The following MEF2C variants were observed in gnomAD, a reference collection of about 807,000 sequenced individuals.
MEF2C encodes myocyte-specific enhancer factor 2C.
Under a neutral mutation model 50.5 loss-of-function variants are expected in MEF2C, and 6 were observed. The ratio of observed to expected loss-of-function variants is 0.12; its 90% CI spans 0.07 to 0.23. MEF2C has a LOEUF of 0.23. MEF2C is among the 10% of genes least tolerant of loss of function. The pLI is 1.00. For missense variants in MEF2C, 276 were observed against 605.0 expected (o/e 0.46, Z 5.70); for synonymous variants, 183 against 228.0 (o/e 0.80, Z 1.78).
intron 1 of MEF2C, among the ~76,000 whole-genome samples, chr5:88,896,077 T>C (rs570029275): frequency 3.3e-4 from 50 of 152,276 alleles, no homozygotes; most frequent in African/African-American, 1.2e-3. Context: ...GATCTAAGCC[T>C]TGGATGCAAG....
chr5:88,842,513 C>T (rs1480123019), intron 1 of MEF2C, among the ~76,000 whole-genome samples: 1 of 149,760 alleles, frequency 6.7e-6, no homozygotes, highest in African/African-American at 2.5e-5. Context: ...GGATTAGAAA[C>T]AGTGCCATTA....
upstream of MEF2C, among the ~76,000 whole-genome samples, chr5:88,886,665 TTTTA>T: frequency 6.6e-6 from 1 of 152,322 alleles, no homozygotes; most frequent in Middle Eastern, 3.4e-3. Flanking sequence ...CTGTACCAGC[TTTTA>T]TTTTTTTCTA....
chr5:88,880,009 G>C (rs566195824), intron 1 of MEF2C, among the ~76,000 whole-genome samples: 5 of 150,614 alleles, frequency 3.3e-5, no homozygotes, highest in African/African-American at 1.2e-4. Flanking sequence ...AAAGGTGACA[G>C]ATCTCGGTGA....
chr5:88,832,176 T>C (rs1202247796), intron 1 of MEF2C, among the ~76,000 whole-genome samples: 3 of 152,096 alleles, frequency 2.0e-5, no homozygotes, highest in African/African-American at 7.2e-5. Context: ...CGAAAAAGAA[T>C]CTTTACATTT....
At chr5:88,896,200 A>G (rs1582040554) in intron 1 of MEF2C, among the ~76,000 whole-genome samples, 2 of 152,186 alleles carry the variant, frequency 1.3e-5, no homozygotes, top group Admixed American at 6.5e-5. Flanking sequence ...GAAAATTTAT[A>G]TACTTAAAAA....
intron 1 of MEF2C, among the ~76,000 whole-genome samples, chr5:88,834,695 A>C (rs913482040): frequency 1.3e-5 from 2 of 152,258 alleles, no homozygotes; most frequent in Non-Finnish European, 2.9e-5. Flanking sequence ...GAAAGCCCTA[A>C]TCCACAATGG....
At chr5:88,801,122 T>C (rs1475106122) in intron 3 of MEF2C, among the ~76,000 whole-genome samples, 1 of 152,192 alleles carries the variant, frequency 6.6e-6, no homozygotes, top group Non-Finnish European at 1.5e-5. Flanking sequence ...TGTATTTCTG[T>C]GTAAAGGCTG....
intron 4 of MEF2C, among the ~76,000 whole-genome samples, chr5:88,753,489 T>C (rs1047245596): frequency 2.0e-5 from 3 of 152,186 alleles, no homozygotes; most frequent in Admixed American, 6.5e-5. Context: ...TCTGCCTATC[T>C]GGTTCAAGTG....
Position 88,761,279 on chromosome 5 carries a change from G to A in MEF2C, c.308C>T (p.Ala103Val), listed in dbSNP as rs755436703. ...LNGCDSPDPD[A>V]DDSVGHSPES... ...AGGGCTGTGACCTACGGAATCGTCC[G>A]CATCGGGGTCTGGGCTGTCACAGCC... Residue 103 changes from alanine to valine, a missense_variant, in exon 4 of 11, where the codon GCG (alanine) becomes GTG (valine). Around this residue, in one of 2 missense-constraint regions of MEF2C, gnomAD observed 20 missense variants for 136.9 expected, o/e 0.15. Transcript: ENST00000504921. The A allele has an allele frequency of 2.2e-5, 36 of 1,613,850 alleles. No individual in the cohort carries two copies. In the East Asian group the frequency reaches 5.8e-4, roughly 26 times the overall value.
At chr5:88,882,539 A>C (rs1833242077) in intron 1 of MEF2C, among the ~76,000 whole-genome samples, 1 of 152,200 alleles carries the variant, frequency 6.6e-6, no homozygotes, top group South Asian at 2.1e-4. Context: ...GGGGGGACTC[A>C]TGGGAGCATC....
At chr5:88,886,536 A>G (rs578063160), upstream of MEF2C, among the ~76,000 whole-genome samples, 35 of 152,308 alleles carry the variant, frequency 2.3e-4, no homozygotes, top group African/African-American at 7.9e-4. Context: ...TTCCAGTTCT[A>G]TCATTGGAAA....
intron 6 of MEF2C, chr5:88,732,556 G>A (rs1561703680): frequency 6.6e-6 from 1 of 152,276 alleles, no homozygotes; most frequent in Non-Finnish European, 1.5e-5. Context: ...GAAATGAAGT[G>A]ATGATGCCTC....
At position 88,750,207 on chromosome 5, in the gene MEF2C, A is replaced by ATT. The variant is rs747771242; in HGVS notation, c.590-1092_590-1091dup. ...TTATATATATACATATATATACACGATTTTTTTTTTTTTTTGAGACAGAGC... is the reference window on the plus strand; with the variant it reads ...TTATATATATACATATATATACACGATTTTTTTTTTTTTTTTTGAGACAGAGC... On this transcript the variant is annotated intron_variant, in intron 5 of 10. Transcript: ENST00000504921. The ATT allele has an allele frequency of 5.0e-3, 1,901 of 383,210 alleles. 1 individual carries two copies. The highest frequency in any genetic ancestry group is 5.8e-3 in the East Asian group (34 of 5,900). The allele number at this position is 383,210 out of a possible 1,614,324, so 23.7% of individuals were successfully genotyped here.
intron 1 of MEF2C, among the ~76,000 whole-genome samples, chr5:88,870,819 A>T (rs1829282748): frequency 6.6e-6 from 1 of 152,088 alleles, no homozygotes; most frequent in Non-Finnish European, 1.5e-5. Context: ...AAAACACTAA[A>T]CTTATAAAAA....
At chr5:88,886,017 G>A (rs1184194333), upstream of MEF2C, among the ~76,000 whole-genome samples, 1 of 152,062 alleles carries the variant, frequency 6.6e-6, no homozygotes, top group Admixed American at 6.5e-5. Context: ...TCAAAAATAA[G>A]TATAACCCCA....
rs1406209376 is a variant in MEF2C at position 88,734,912 on chromosome 5, T to A, written c.638-3011A>T. ...TTCTTAAATTCATATTTTTAGAGCA[T>A]CAAGTTATTTTTAAGAACAAATAAA... On this transcript the variant is annotated intron_variant, in intron 6 of 10. Coordinates refer to ENST00000504921, the MANE Select transcript of MEF2C (RefSeq NM_002397.5). 1.5e-5 allele frequency: 15 copies of A among 983,338 alleles called. No homozygotes were observed. In the South Asian group the frequency reaches 6.1e-4, roughly 40 times the overall value. 60.9% of individuals were successfully genotyped at this position (983,338 alleles called of 1,614,324 possible). A position where few individuals can be genotyped will look rare whatever the true frequency, so the allele number is the denominator to read the frequency against.
At position 88,816,317 on chromosome 5, in the gene MEF2C, G is replaced by GTAA. The variant is rs1805341289; in HGVS notation, c.54+7415_54+7417dup. 4.6e-5 allele frequency among the ~76,000 whole-genome samples: 7 copies of GTAA among 151,974 alleles called. No individual in the cohort carries two copies. In the South Asian group the frequency reaches 1.4e-3, roughly 31 times the overall value. On this transcript the variant is annotated intron_variant, in intron 2 of 10. Coordinates refer to ENST00000504921, the MANE Select transcript of MEF2C (RefSeq NM_002397.5). ...TATCATGCACCGAACAGGATAAATA[G>GTAA]TAATATGTGTGGCACACTGTTGCTG...
chr5:88,744,110 T>C, intron 6 of MEF2C: 1 of 985,208 alleles, frequency 1.0e-6, no homozygotes, highest in Non-Finnish European at 1.2e-6. Flanking sequence ...AATCGTATTA[T>C]CAAAGTGAAA....
chr5:88,873,801 T>C (rs1190758972), intron 1 of MEF2C, among the ~76,000 whole-genome samples: 6 of 150,396 alleles, frequency 4.0e-5, no homozygotes, highest in Non-Finnish European at 7.4e-5. Flanking sequence ...CAAAATTATT[T>C]ACTTTAACTT....
Sources: gnomAD v4.1 joint callset for allele counts (sites outside exome capture counted in the v4.1 genomes callset) on GRCh38, gnomAD v4.1.1 for gene constraint, gnomAD v4.1.1 regional missense constraint, MANE v1.5 for transcripts, NCBI Gene and HGNC (gene_info 2026-07-23, HGNC 2026-07-21) for gene names.